TLR5: variants seen among roughly 807,000 people sequenced by gnomAD.
TLR5 encodes toll-like receptor 5.
For synonymous variants in TLR5, 373 were observed against 384.4 expected, an observed-to-expected ratio of 0.97 and a Z score of 0.35; for missense variants, 944 against 999.8, an observed-to-expected ratio of 0.94 and a Z score of 0.75.
chr1:223,128,529 TG>T (rs1657265781), intron 5 of TLR5: 1 of 147,002 alleles, frequency 6.8e-6, no homozygotes, highest in South Asian at 2.5e-4. Context: ...TTCCTGACAA[TG>T]GAACAATGTG....
intron 5 of TLR5, among the ~76,000 whole-genome samples, chr1:223,126,201 C>T (rs1489650746): frequency 6.6e-6 from 1 of 152,184 alleles, no homozygotes; most frequent in Non-Finnish European, 1.5e-5. Flanking sequence ...ACACACGGTA[C>T]AAGACGGATG....
At chr1:223,115,335 C>T (rs375562824) in intron 5 of TLR5, among the ~76,000 whole-genome samples, 4 of 152,188 alleles carry the variant, frequency 2.6e-5, no homozygotes, top group African/African-American at 4.8e-5. Context: ...CTGCAACCTC[C>T]GCCTCCCGGG....
At chr1:223,126,857 T>G in intron 5 of TLR5, 1 of 152,354 alleles carries the variant, frequency 6.6e-6, no homozygotes, top group Non-Finnish European at 1.5e-5. Flanking sequence ...GCTTCAATAC[T>G]CCTGCCAAGC....
chr1:223,111,127 T>C lies in TLR5; in HGVS notation c.1905A>G (p.Leu635=), dbSNP rs549621197. 1 of 1,614,174 alleles carries C rather than the reference T, an allele frequency of 6.2e-7. No homozygotes were observed. The highest frequency in any genetic ancestry group is 1.3e-5 in the African/African-American group (1 of 75,056). ...TGAAAAGGGAGAACTTTAGGGACTTTAAGACTTCCTCTTCATCACAACCTT... is the reference window on the plus strand; with the variant it reads ...TGAAAAGGGAGAACTTTAGGGACTTCAAGACTTCCTCTTCATCACAACCTT... ...STEGCDEEEV[L]KSLKFSLFIV... Residue 635 remains leucine (L), a synonymous_variant, in exon 6 of 6, where the codon TTA becomes TTG. Transcript: ENST00000642603.
rs747968019 is a variant in TLR5 at position 223,112,816 on chromosome 1, C to T, written c.216G>A (p.Leu72=). 3 of 1,612,116 alleles carry T rather than the reference C, an allele frequency of 1.9e-6. No individual in the cohort carries two copies. The highest frequency in any genetic ancestry group is 2.5e-6 in the Non-Finnish European group (3 of 1,178,858). The part of the protein sequence containing the change: ...TASSFPFLEQ[L]QLLELGSQYT... ...ACTGGCTCCCGAGCTCCAGCAGCTG[C>T]AGCTGTTCCAGAAAGGGGAAGGATG... Residue 72 remains leucine (L), a synonymous_variant, in exon 6 of 6, where the codon CTG becomes CTA. Coordinates refer to ENST00000642603, the MANE Select transcript of TLR5 (RefSeq NM_003268.6).
intron 2 of TLR5, among the ~76,000 whole-genome samples, chr1:223,139,339 A>G (rs1657745024): frequency 1.3e-5 from 2 of 152,184 alleles, no homozygotes; most frequent in African/African-American, 2.4e-5. Flanking sequence ...GATTAACTCA[A>G]TCACTGCCTT....
chr1:223,126,971 C>T (rs1657192467), intron 5 of TLR5: 1 of 152,152 alleles, frequency 6.6e-6, no homozygotes, highest in African/African-American at 2.4e-5. Flanking sequence ...GGGTTGGTTC[C>T]CTTTCTTGAC....
intron 5 of TLR5, chr1:223,127,287 G>C (rs546879659): frequency 6.6e-6 from 1 of 152,322 alleles, no homozygotes; most frequent in Non-Finnish European, 1.5e-5. Flanking sequence ...CAAACCTGGA[G>C]GGCCATTGGA....
intron 5 of TLR5, among the ~76,000 whole-genome samples, chr1:223,124,565 C>A (rs1243411569): frequency 1.3e-5 from 2 of 152,078 alleles, no homozygotes; most frequent in African/African-American, 4.8e-5. Context: ...AAATGACCTG[C>A]AGTTTGCTTG....
chr1:223,111,436 G>A lies in TLR5; in HGVS notation c.1596C>T (p.Ser532=). ...FSHLTALRGL[S]LNSNRLTVLS... is the part of the protein sequence containing the mutation. ...GAACTGTCAGCCTGTTGGAGTTGAGGCTTAGTCCCCTTAATGCAGTCAGAT... is the reference window on the plus strand; with the variant it reads ...GAACTGTCAGCCTGTTGGAGTTGAGACTTAGTCCCCTTAATGCAGTCAGAT... The change falls in exon 6 of 6, where the codon AGC becomes AGT. Residue 532 remains serine, a synonymous_variant. Coordinates refer to ENST00000642603, the MANE Select transcript of TLR5 (RefSeq NM_003268.6). 6.2e-7 allele frequency: 1 copy of A among 1,614,156 alleles called. No individual in the cohort carries two copies. The highest frequency in any genetic ancestry group is 8.5e-7 in the Non-Finnish European group (1 of 1,180,030).
chr1:223,116,431 C>T (rs897520038), intron 5 of TLR5, among the ~76,000 whole-genome samples: 6 of 152,134 alleles, frequency 3.9e-5, no homozygotes, highest in African/African-American at 1.2e-4. Flanking sequence ...GTTGTTCATT[C>T]CTCCCTGTGG....
chr1:223,118,208 T>C (rs929054901), intron 5 of TLR5, among the ~76,000 whole-genome samples: 4 of 152,180 alleles, frequency 2.6e-5, no homozygotes, highest in Non-Finnish European at 5.9e-5. Context: ...GCTTCCAATT[T>C]ATAGGTAGAT....
chr1:223,112,786 G>T lies in TLR5; in HGVS notation c.246C>A (p.Thr82=), dbSNP rs1656428868. Residue 82 remains threonine (T), a synonymous_variant, in exon 6 of 6, where the codon ACC becomes ACA. Transcript: ENST00000642603. Reference sequence around the variant, plus strand: ...AGGCCTCCTTGTCAATAGTCAAGGGGGTATACTGGCTCCCGAGCTCCAGCA... The same window carrying T: ...AGGCCTCCTTGTCAATAGTCAAGGGTGTATACTGGCTCCCGAGCTCCAGCA... The part of the protein sequence containing the change: ...LQLLELGSQY[T]PLTIDKEAFR... The T allele has an allele frequency of 3.7e-6, 6 of 1,613,154 alleles. No homozygotes were observed. The highest frequency in any genetic ancestry group is 1.3e-5 in the African/African-American group (1 of 74,944).
intron 2 of TLR5, among the ~76,000 whole-genome samples, chr1:223,139,627 G>C (rs1657756308): frequency 6.6e-6 from 1 of 152,178 alleles, no homozygotes; most frequent in African/African-American, 2.4e-5. Flanking sequence ...GGCTGCAGTG[G>C]CTCAGAAGGT....
At chr1:223,127,566 G>A (rs148709242) in intron 5 of TLR5, 1 of 152,262 alleles carries the variant, frequency 6.6e-6, no homozygotes, top group African/African-American at 2.4e-5. Flanking sequence ...AACATTGCTA[G>A]GGCCACAGTC....
chr1:223,112,959 A>T lies in TLR5; in HGVS notation c.73T>A (p.Ser25Thr). 1 of 1,614,168 alleles carries T rather than the reference A, an allele frequency of 6.2e-7. No individual in the cohort carries two copies. The highest frequency in any genetic ancestry group is 8.5e-7 in the Non-Finnish European group (1 of 1,180,032). The part of the protein sequence containing the change: ...AGPVFGIPSC[S>T]FDGRIAFYRF... ...TAAAAGGCTATTCGGCCATCAAAGG[A>T]GCAGGAAGGAATTCCAAACACAGGA... Residue 25 changes from serine (S) to threonine (T), a missense_variant, in exon 6 of 6, where the codon TCC (serine) becomes ACC (threonine). Physicochemically the swap from Ser to Thr is moderately conservative, Grantham distance 58. Transcript: ENST00000642603.
At chr1:223,116,216 C>G (rs374564570) in intron 5 of TLR5, among the ~76,000 whole-genome samples, 2 of 152,166 alleles carry the variant, frequency 1.3e-5, no homozygotes, top group African/African-American at 4.8e-5. Flanking sequence ...AGAGTGAAGT[C>G]GTGGACCCTC....
Position 223,113,006 on chromosome 1 carries a change from A to AG in TLR5, c.25dup (p.Leu9ProfsTer19). 1 of 1,613,756 alleles carries AG rather than the reference A, an allele frequency of 6.2e-7. No individual in the cohort carries two copies. The highest frequency in any genetic ancestry group is 8.5e-7 in the Non-Finnish European group (1 of 1,179,976). On this transcript the variant is annotated frameshift_variant, in exon 6 of 6. Transcript: ENST00000642603. LOFTEE classifies it low-confidence loss of function (END_TRUNC). ...AGGACCGGCCATGAGCACCACTCCT[A>AG]GGAGAAGGTCCAGGTGGTCTCCCAT... is the stretch of plus-strand genomic sequence containing the variant.
chr1:223,116,311 T>TG (rs1435465453), intron 5 of TLR5, among the ~76,000 whole-genome samples: 1 of 152,150 alleles, frequency 6.6e-6, no homozygotes. Flanking sequence ...TTCTTCCTTC[T>TG]GGGGGGCTCA....
Sources: gnomAD v4.1 joint callset for allele counts (sites outside exome capture counted in the v4.1 genomes callset) on GRCh38, gnomAD v4.1.1 for gene constraint, MANE v1.5 for transcripts, NCBI Gene and HGNC (gene_info 2026-07-23, HGNC 2026-07-21) for gene names.